Variants in ZP4 observed in about 807,000 individuals in gnomAD.
The protein encoded by ZP4 is zona pellucida sperm-binding protein 4.
In ZP4, 62 loss-of-function variants were observed where a neutral mutation model predicts 62.3. That is an observed-to-expected ratio of 0.99 (90% CI 0.81 to 1.23). The LOEUF is 1.23. Among genes scored for constraint, ZP4 ranks in the 50% most tolerant of loss-of-function variants. ZP4 has a pLI of 0.00. For missense variants in ZP4, 774 were observed against 656.0 expected (o/e 1.18, Z -1.97); for synonymous variants, 289 against 247.3 (o/e 1.17, Z -1.58).
At chr1:237,883,304 A>G (rs1234265502) in intron 10 of ZP4, among the ~76,000 whole-genome samples, 1 of 151,986 alleles carries the variant, frequency 6.6e-6, no homozygotes, top group Non-Finnish European at 1.5e-5. Flanking sequence ...AAAGATGGCA[A>G]GATGGCAAAT....
rs1558530911 is a variant in ZP4 at position 237,884,003 on chromosome 1, CACACACACACACAA to C, written c.1390+752_1390+765del. Among the ~76,000 whole-genome samples, 666 of 92,282 alleles carry C rather than the reference CACACACACACACAA, an allele frequency of 7.2e-3. 14 individuals carry two copies. Among genetic ancestry groups the C allele is most frequent in the Admixed American group, 0.012 (110 of 9,040 alleles). The allele number at this position is 92,282 out of a possible 152,430, so 60.5% of individuals were successfully genotyped here. ...ACACAAACACACACACACACACACA[CACACACACACACAA>C]ACACACACACACACAAACACACACA... On this transcript the variant is annotated intron_variant, in intron 10 of 11. Coordinates refer to ENST00000366570, the MANE Select transcript of ZP4 (RefSeq NM_021186.5).
At position 237,890,903 on chromosome 1, in the gene ZP4, G is replaced by A; in HGVS notation, c.-268C>T. ...AAAATGTAGTAACTTTTAGCTAACA[G>A]AAAGGAAGGAAAGAAAGCTTCCTCA... On this transcript the variant is annotated 5_prime_UTR_variant, in exon 1 of 12. Transcript: ENST00000366570. The A allele has an allele frequency of 8.8e-6, 3 of 339,954 alleles. No homozygotes were observed. The highest frequency in any genetic ancestry group is 1.1e-5 in the Non-Finnish European group (2 of 188,032). The allele number at this position is 339,954 out of a possible 1,614,324, so 21.1% of individuals were successfully genotyped here.
At chr1:237,890,212 G>A (rs757172967) in intron 1 of ZP4, 36 bp from the exon 2 acceptor site, 1 of 1,612,636 alleles carries the variant, frequency 6.2e-7, no homozygotes, top group South Asian at 1.1e-5. Context: ...AAACACAGCG[G>A]TCAGTCTCCA....
chr1:237,888,448 C>T lies in ZP4; in HGVS notation c.463G>A (p.Ala155Thr), dbSNP rs1251348268. ...TCTCCTCGAGAGATGGGTGAAGGTG[C>T]ACATGGCAGTCTGTCCCGTGCTGGG... ...SIPARDRLPC[A>T]PSPISRGDCE... is the part of the protein sequence containing the mutation. Residue 155 changes from alanine to threonine, a missense_variant, in exon 4 of 12, where the codon GCA (alanine) becomes ACA (threonine). By Grantham distance (58) the Ala-to-Thr change is moderately conservative. Transcript: ENST00000366570. 2 of 1,612,140 alleles carry T rather than the reference C, an allele frequency of 1.2e-6. No individual in the cohort carries two copies. Among genetic ancestry groups the T allele is most frequent in the African/African-American group, 1.3e-5 (1 of 74,920 alleles).
Position 237,888,478 on chromosome 1 carries a change from A to G in ZP4, c.433T>C (p.Ser145Pro), listed in dbSNP as rs201772679. The change falls in exon 4 of 12, where the codon TCC (serine) becomes CCC (proline). Residue 145 changes from serine to proline, a missense_variant. Physicochemically the swap from Ser to Pro is moderately conservative, Grantham distance 74 (BLOSUM62 -1). Transcript: ENST00000366570. ...RDAPDTDWCDSIPARDRLPCA... is the reference protein window; with the variant it reads ...RDAPDTDWCDPIPARDRLPCA... ...GGCAGTCTGTCCCGTGCTGGGATGG[A>G]GTCACACCAGTCAGTATCTGGAGCA... The G allele has an allele frequency of 8.1e-6, 13 of 1,609,138 alleles. No homozygotes were observed. Among genetic ancestry groups the G allele is most frequent in the Non-Finnish European group, 9.4e-6 (11 of 1,176,458 alleles).
intron 3 of ZP4, among the ~76,000 whole-genome samples, chr1:237,889,505 A>T (rs1665187037): frequency 6.6e-6 from 1 of 151,646 alleles, no homozygotes; most frequent in Non-Finnish European, 1.5e-5. Context: ...TTTAGTAGAG[A>T]TGGGGTTTCT....
chr1:237,887,314 C>A (rs2103018723), intron 5 of ZP4, 60 bp downstream of exon 5: 1 of 1,574,602 alleles, frequency 6.4e-7, no homozygotes, highest in South Asian at 1.2e-5. Context: ...CTCTCCCCCA[C>A]TAGTCACTAC....
chr1:237,882,758 G>T lies in ZP4; in HGVS notation c.1479C>A (p.Asp493Glu). ...GPMILLQATK[D>E]PPEKLRVPVD... The stretch of plus-strand genomic sequence containing the variant: ...GATACTTACGGAGCTTTTCTGGAGG[G>T]TCCTTAGTGGCTTGGAGTAGAATCA... Residue 493 changes from aspartate (D) to glutamate (E), a missense_variant, in exon 11 of 12, where the codon GAC becomes GAA. Asp to Glu is a conservative substitution (Grantham distance 45, BLOSUM62 2). Coordinates refer to ENST00000366570, the MANE Select transcript of ZP4 (RefSeq NM_021186.5). 1 of 1,614,094 alleles carries T rather than the reference G, an allele frequency of 6.2e-7. No homozygotes were observed. The highest frequency in any genetic ancestry group is 8.5e-7 in the Non-Finnish European group (1 of 1,180,000).
chr1:237,886,934 G>T (rs1268709589), intron 5 of ZP4, 66 bp from the exon 6 acceptor site: 41 of 1,399,794 alleles, frequency 2.9e-5, no homozygotes, highest in Non-Finnish European at 4.0e-5. Context: ...CTTGCATCTG[G>T]TCTAAGCCCT....
chr1:237,883,985 C>CACACAA (rs1558530763), intron 10 of ZP4, among the ~76,000 whole-genome samples: 68 of 29,782 alleles, frequency 2.3e-3, no homozygotes, highest in African/African-American at 4.9e-3. Flanking sequence ...CACACACAAA[C>CACACAA]ACACACACAC....
intron 10 of ZP4, among the ~76,000 whole-genome samples, chr1:237,883,967 A>AC (rs1665009572): frequency 5.8e-5 from 5 of 86,568 alleles, no homozygotes; most frequent in African/African-American, 2.8e-4. Flanking sequence ...CACACACACA[A>AC]ACACACACAC....
intron 10 of ZP4, among the ~76,000 whole-genome samples, chr1:237,884,173 A>C (rs2103016238): frequency 6.6e-6 from 1 of 152,324 alleles, no homozygotes; most frequent in Middle Eastern, 3.4e-3. Context: ...CTTTAGAAGT[A>C]GTGATAATAT....
At chr1:237,884,049 C>A (rs1373140609) in intron 10 of ZP4, among the ~76,000 whole-genome samples, 1 of 136,554 alleles carries the variant, frequency 7.3e-6, no homozygotes, top group South Asian at 2.2e-4. Context: ...CACAAACACA[C>A]ACAAACACAC....
intron 3 of ZP4, among the ~76,000 whole-genome samples, chr1:237,889,641 G>A (rs186197419): frequency 1.3e-5 from 2 of 152,084 alleles, no homozygotes; most frequent in Non-Finnish European, 2.9e-5. Flanking sequence ...ACTATGTTAG[G>A]GTTAGGGAAG....
chr1:237,890,650 T>G lies in ZP4; in HGVS notation c.-15A>C. ...AGCAGCCACATAATGCTACCAGGAGTTCCTGCCGGCTGCAGACTCTCCGCC... is the reference window on the plus strand; with the variant it reads ...AGCAGCCACATAATGCTACCAGGAGGTCCTGCCGGCTGCAGACTCTCCGCC... On this transcript the variant is annotated 5_prime_UTR_variant, in exon 1 of 12. Coordinates refer to ENST00000366570, the MANE Select transcript of ZP4 (RefSeq NM_021186.5). The G allele has an allele frequency of 6.2e-7, 1 of 1,606,320 alleles. No individual in the cohort carries two copies. Among genetic ancestry groups the G allele is most frequent in the Non-Finnish European group, 8.5e-7 (1 of 1,176,116 alleles).
At chr1:237,884,025 C>A (rs1318809122) in intron 10 of ZP4, among the ~76,000 whole-genome samples, 32 of 101,516 alleles carry the variant, frequency 3.2e-4, no homozygotes, top group African/African-American at 9.1e-4. Context: ...CAAACACACA[C>A]ACACACAAAC....
Position 237,888,370 on chromosome 1 carries a change from A to T in ZP4, c.541T>A (p.Tyr181Asn), listed in dbSNP as rs1213921328. 1.3e-6 allele frequency: 2 copies of T among 1,583,998 alleles called. No individual in the cohort carries two copies. The highest frequency in any genetic ancestry group is 1.7e-6 in the Non-Finnish European group (2 of 1,158,422). Residue 181 changes from tyrosine (Y) to asparagine (N), a missense_variant, in exon 4 of 12, where the codon TAT becomes AAT. Coordinates refer to ENST00000366570, the MANE Select transcript of ZP4 (RefSeq NM_021186.5). ...YSSEEVNSCY[Y>N]GNTVTLHCTR... The stretch of plus-strand genomic sequence containing the variant: ...CTCACTTACTCACCAGTGTTTCCAT[A>T]GTAGCAGGAATTCACCTCTTCAGAG...
At chr1:237,882,960 C>A (rs1261784999) in intron 10 of ZP4, 114 bp from the exon 11 acceptor site, 1 of 691,026 alleles carries the variant, frequency 1.4e-6, no homozygotes, top group African/African-American at 1.8e-5. Flanking sequence ...CTATGCCTTA[C>A]AAAAACCTCA....
At chr1:237,887,606 G>T in intron 4 of ZP4, 45 bp from the exon 5 acceptor site, 1 of 1,569,828 alleles carries the variant, frequency 6.4e-7, no homozygotes, top group Middle Eastern at 1.9e-4. Context: ...CTCTCCCATT[G>T]TGGGGAGAAC....
Sources: gnomAD v4.1 joint callset for allele counts (sites outside exome capture counted in the v4.1 genomes callset) on GRCh38, gnomAD v4.1.1 for gene constraint, MANE v1.5 for transcripts, NCBI Gene and HGNC (gene_info 2026-07-23, HGNC 2026-07-21) for gene names.